Variants in ADGRL2 observed in about 807,000 individuals in gnomAD.
The protein encoded by ADGRL2 is adhesion G protein-coupled receptor L2, also known as calcium-independent alpha-latrotoxin receptor 2.
Under a neutral mutation model 157.4 loss-of-function variants are expected in ADGRL2, and 44 were observed. That is an observed-to-expected ratio of 0.28 (90% CI 0.22 to 0.36). The LOEUF (loss-of-function observed/expected upper bound fraction) is 0.36. Among genes scored for constraint, ADGRL2 ranks in the 10% least tolerant of loss-of-function variants. ADGRL2 has a pLI of 1.00. For missense variants in ADGRL2, 1,510 were observed against 1,768.9 expected, an observed-to-expected ratio of 0.85 and a Z score of 2.63; for synonymous variants, 585 against 624.7, an observed-to-expected ratio of 0.94 and a Z score of 0.95.
chr1:81,862,579 G>T (rs1322770243), intron 2 of ADGRL2, among the ~76,000 whole-genome samples: 3 of 152,238 alleles, frequency 2.0e-5, no homozygotes, highest in African/African-American at 7.2e-5. Context: ...ATGAATGAAT[G>T]AATGAATGAC....
At chr1:81,652,894 T>C (rs1160869251) in intron 3 of ADGRL2, among the ~76,000 whole-genome samples, 2 of 152,170 alleles carry the variant, frequency 1.3e-5, no homozygotes, top group Non-Finnish European at 2.9e-5. Context: ...GTTTTAAGTC[T>C]CTTTAAATCA....
At chr1:81,483,636 G>A (rs1278220568) in intron 2 of ADGRL2, among the ~76,000 whole-genome samples, 1 of 152,130 alleles carries the variant, frequency 6.6e-6, no homozygotes, top group Non-Finnish European at 1.5e-5. Flanking sequence ...CGGGCATGGC[G>A]AAAGTCTTCA....
chr1:81,975,921 A>G (rs1187131908), intron 17 of ADGRL2, among the ~76,000 whole-genome samples: 1 of 152,066 alleles, frequency 6.6e-6, no homozygotes, highest in Non-Finnish European at 1.5e-5. Context: ...GCAAAATTAT[A>G]ATTATCAGAA....
intron 1 of ADGRL2, among the ~76,000 whole-genome samples, chr1:81,392,478 T>C (rs1234844447): frequency 6.6e-6 from 1 of 152,112 alleles, no homozygotes; most frequent in Non-Finnish European, 1.5e-5. Flanking sequence ...AGGAGCCAGC[T>C]TGACAGAGCC....
chr1:81,961,953 G>C (rs1572388521), intron 11 of ADGRL2, among the ~76,000 whole-genome samples: 1 of 151,878 alleles, frequency 6.6e-6, no homozygotes, highest in Non-Finnish European at 1.5e-5. Flanking sequence ...CTTTTTTCCT[G>C]ACAGAAGGAA....
chr1:81,536,963 G>C (rs1370576836), intron 2 of ADGRL2, among the ~76,000 whole-genome samples: 1 of 152,194 alleles, frequency 6.6e-6, no homozygotes, highest in East Asian at 1.9e-4. Flanking sequence ...AAGGTTCTCA[G>C]TAGGCAATAC....
intron 1 of ADGRL2, among the ~76,000 whole-genome samples, chr1:81,404,059 G>A (rs952555660): frequency 2.0e-5 from 3 of 152,136 alleles, no homozygotes; most frequent in Admixed American, 2.0e-4. Flanking sequence ...GCCTCCCAAA[G>A]TGCTGGGATT....
Position 81,903,177 on chromosome 1 carries a change from C to T in ADGRL2, c.74-3840C>T, listed in dbSNP as rs2094519664. Among the ~76,000 whole-genome samples, 3 of 152,192 alleles carry T rather than the reference C, an allele frequency of 2.0e-5. No homozygotes were observed. In the South Asian group the frequency reaches 6.2e-4, roughly 31 times the overall value. On this transcript the variant is annotated intron_variant, in intron 2 of 23. Coordinates refer to ENST00000686636, the MANE Select transcript of ADGRL2 (RefSeq NM_001366006.2). ...AAGTCACAAGACTGACCCATATACTCATACTTCAGTGTTCAGTGCTCTTTC... is the reference window on the plus strand; with the variant it reads ...AAGTCACAAGACTGACCCATATACTTATACTTCAGTGTTCAGTGCTCTTTC...
intron 2 of ADGRL2, among the ~76,000 whole-genome samples, chr1:81,549,643 C>T (rs1162375195): frequency 1.3e-5 from 2 of 152,128 alleles, no homozygotes; most frequent in Non-Finnish European, 2.9e-5. Context: ...AAGAACCTAG[C>T]CACCAGTGGT....
chr1:81,484,794 T>G (rs1045441467), intron 2 of ADGRL2, among the ~76,000 whole-genome samples: 2 of 152,114 alleles, frequency 1.3e-5, no homozygotes, highest in African/African-American at 4.8e-5. Flanking sequence ...TGTTGAAATA[T>G]CTAAATATCA....
intron 3 of ADGRL2, among the ~76,000 whole-genome samples, chr1:81,934,273 T>G (rs1443625295): frequency 6.6e-6 from 1 of 152,020 alleles, no homozygotes; most frequent in Non-Finnish European, 1.5e-5. Flanking sequence ...AGAGTAAATA[T>G]GGACAGTTAT....
In ADGRL2 at chr1:81,656,551, G is replaced by A. The variant is rs551433323; in HGVS notation, c.-143+75571G>A. Among the ~76,000 whole-genome samples the A allele has an allele frequency of 2.7e-4, 41 of 152,196 alleles. No homozygotes were observed. In the South Asian group the frequency reaches 8.1e-3, roughly 30 times the overall value. The stretch of plus-strand genomic sequence containing the variant: ...AAACACTGTCCCTAGGATTAGACAC[G>A]ATGTGCCAGATGTCTTTCAGTCAAA... On this transcript the variant is annotated intron_variant, in intron 3 of 24. Coordinates refer to the ADGRL2 transcript ENST00000370721.
At chr1:81,691,787 C>A (rs1451686247) in intron 3 of ADGRL2, among the ~76,000 whole-genome samples, 2 of 151,362 alleles carry the variant, frequency 1.3e-5, no homozygotes, top group African/African-American at 4.9e-5. Flanking sequence ...GTGTGAGCCA[C>A]CATGCCCAGC....
chr1:81,908,618 G>A (rs138754170), intron 3 of ADGRL2, among the ~76,000 whole-genome samples: 1,710 of 152,194 alleles, frequency 0.011, 26 homozygotes, highest in South Asian at 0.059. Flanking sequence ...AAGTACAATT[G>A]CTGGATTGTA....
At chr1:81,925,592 TAG>T (rs1423915764) in intron 3 of ADGRL2, among the ~76,000 whole-genome samples, 1 of 151,064 alleles carries the variant, frequency 6.6e-6, no homozygotes, top group Non-Finnish European at 1.5e-5. Flanking sequence ...TTACAGAACA[TAG>T]AGTCATTTTA....
At chr1:81,737,086 G>A (rs111505126) in intron 1 of ADGRL2, among the ~76,000 whole-genome samples, 14,133 of 151,586 alleles carry the variant, frequency 0.093, 751 homozygotes, top group South Asian at 0.14. Flanking sequence ...CACCTGCCTC[G>A]GCCTCCCAAA....
At position 81,419,468 on chromosome 1, in the gene ADGRL2, A is replaced by G. The variant is rs566759553; in HGVS notation, c.-301-25568A>G. On this transcript the variant is annotated intron_variant, in intron 1 of 24. Coordinates refer to the ADGRL2 transcript ENST00000370721. ...AGTAATCTGCCTGCCTTGGCTTCCC[A>G]AAGTACTGGCATTACAGGCATGAGC... Among the ~76,000 whole-genome samples, 3 of 152,330 alleles carry G rather than the reference A, an allele frequency of 2.0e-5. No homozygotes were observed. In the South Asian group the frequency reaches 6.2e-4, roughly 32 times the overall value.
intron 2 of ADGRL2, among the ~76,000 whole-genome samples, chr1:81,842,728 T>C (rs1290044116): frequency 6.6e-6 from 1 of 152,122 alleles, no homozygotes; most frequent in African/African-American, 2.4e-5. Context: ...AAAAAACGTA[T>C]TTTTCCTCTT....
At chr1:81,766,058 C>T (rs1310769256) in intron 2 of ADGRL2, among the ~76,000 whole-genome samples, 3 of 152,002 alleles carry the variant, frequency 2.0e-5, no homozygotes, top group Non-Finnish European at 4.4e-5. Context: ...TTGGGATTTC[C>T]GGTTTCATAC....
Sources: gnomAD v4.1 joint callset for allele counts (sites outside exome capture counted in the v4.1 genomes callset) on GRCh38, gnomAD v4.1.1 for gene constraint, MANE v1.5 for transcripts, NCBI Gene and HGNC (gene_info 2026-07-23, HGNC 2026-07-21) for gene names.